The following SLC9A9 variants were observed in gnomAD, a reference collection of about 807,000 sequenced individuals.
SLC9A9 encodes the protein solute carrier family 9 member A9.
SLC9A9 carries 62 observed loss-of-function variants against 77.8 expected under a neutral mutation model. The observed-to-expected ratio is 0.80, with a 90% CI of 0.65 to 0.98. The LOEUF is 0.98. Among genes scored for constraint, SLC9A9 ranks in the 50% least tolerant of loss-of-function variants. SLC9A9 has a pLI of 0.00. For synonymous variants in SLC9A9, 320 were observed against 283.5 expected (o/e 1.13, Z -1.29); for missense variants, 775 against 774.9 (o/e 1.00, Z 0.00).
In SLC9A9 at chr3:143,832,235, A is replaced by C. The variant is rs889120030; in HGVS notation, c.176-14T>G. The C allele has an allele frequency of 6.3e-7, 1 of 1,595,464 alleles. No homozygotes were observed. Among genetic ancestry groups the C allele is most frequent in the African/African-American group, 1.3e-5 (1 of 74,644 alleles). On this transcript the variant is annotated splice_polypyrimidine_tract_variant and intron_variant, in intron 1 of 15. Transcript: ENST00000316549. ...CCATTATAAGGCCTAAAAAAAAAAG[A>C]ATAAATAATGGTACTGGAGGAAGGC...
intron 11 of SLC9A9, among the ~76,000 whole-genome samples, chr3:143,479,963 C>T (rs2035547092): frequency 6.6e-6 from 1 of 152,144 alleles, no homozygotes; most frequent in Non-Finnish European, 1.5e-5. Flanking sequence ...TGAGTATCTC[C>T]TAGGTGGTAG....
chr3:143,352,706 C>A (rs757536507), intron 14 of SLC9A9, among the ~76,000 whole-genome samples: 2 of 152,122 alleles, frequency 1.3e-5, no homozygotes, highest in Non-Finnish European at 2.9e-5. Flanking sequence ...TATATTAACT[C>A]ATTTATATTG....
intron 13 of SLC9A9, among the ~76,000 whole-genome samples, chr3:143,375,562 A>T (rs2033165217): frequency 6.6e-6 from 1 of 152,186 alleles, no homozygotes; most frequent in African/African-American, 2.4e-5. Flanking sequence ...GATGAGAATC[A>T]TGTGGTGCAC....
intron 14 of SLC9A9, among the ~76,000 whole-genome samples, chr3:143,290,579 CATAGAAA>C (rs2029908881): frequency 1.3e-5 from 2 of 152,112 alleles, no homozygotes; most frequent in Non-Finnish European, 2.9e-5. Flanking sequence ...TCACACATAG[CATAGAAA>C]AAGGATACAT....
At chr3:143,385,981 C>G (rs2033414762) in intron 12 of SLC9A9, among the ~76,000 whole-genome samples, 1 of 152,172 alleles carries the variant, frequency 6.6e-6, no homozygotes, top group African/African-American at 2.4e-5. Context: ...AAACTCCAGG[C>G]TGGTATTTTG....
intron 12 of SLC9A9, among the ~76,000 whole-genome samples, chr3:143,440,800 G>A (rs564691396): frequency 4.6e-5 from 7 of 152,330 alleles, no homozygotes; most frequent in South Asian, 2.1e-4. Flanking sequence ...AACTGAAGCC[G>A]TTTAAATATA....
chr3:143,661,556 C>T (rs1220892074), intron 5 of SLC9A9, among the ~76,000 whole-genome samples: 1 of 152,104 alleles, frequency 6.6e-6, no homozygotes, highest in Non-Finnish European at 1.5e-5. Flanking sequence ...TCCAGATTTT[C>T]TTCACTCTCC....
chr3:143,556,193 T>C (rs1017943526), intron 8 of SLC9A9, among the ~76,000 whole-genome samples: 16 of 152,258 alleles, frequency 1.1e-4, no homozygotes, highest in African/African-American at 3.9e-4. Context: ...AGCTGTTATG[T>C]GAGGTCCTAG....
chr3:143,710,810 C>T (rs1232847913), intron 4 of SLC9A9, among the ~76,000 whole-genome samples: 1 of 152,154 alleles, frequency 6.6e-6, no homozygotes, highest in Non-Finnish European at 1.5e-5. Flanking sequence ...TTTTCCATCC[C>T]TTTTCATATC....
At chr3:143,426,674 A>C (rs2034413862) in intron 12 of SLC9A9, among the ~76,000 whole-genome samples, 3 of 152,214 alleles carry the variant, frequency 2.0e-5, no homozygotes, top group African/African-American at 7.2e-5. Flanking sequence ...TTGTTTGATC[A>C]CCCAGTGCCA....
intron 5 of SLC9A9, among the ~76,000 whole-genome samples, chr3:143,666,086 T>C (rs945514751): frequency 6.6e-6 from 1 of 152,160 alleles, no homozygotes; most frequent in Non-Finnish European, 1.5e-5. Flanking sequence ...AAATCCTCAA[T>C]GAAATACTGT....
intron 2 of SLC9A9, among the ~76,000 whole-genome samples, chr3:143,819,324 T>C (rs772664377): frequency 1.3e-5 from 2 of 152,252 alleles, no homozygotes; most frequent in Non-Finnish European, 2.9e-5. Flanking sequence ...GAAACACTGT[T>C]ATTTCACTGG....
At chr3:143,309,608 G>A (rs900929543) in intron 14 of SLC9A9, among the ~76,000 whole-genome samples, 2 of 152,078 alleles carry the variant, frequency 1.3e-5, no homozygotes, top group African/African-American at 4.8e-5. Flanking sequence ...TTCTTCTCAT[G>A]TTTCTGTACT....
chr3:143,315,229 G>A (rs974635599), intron 14 of SLC9A9, among the ~76,000 whole-genome samples: 128 of 152,226 alleles, frequency 8.4e-4, no homozygotes, highest in African/African-American at 2.9e-3. Context: ...TATATCTTCT[G>A]GTCATCTAAC....
chr3:143,376,101 C>G (rs2033175575), intron 13 of SLC9A9, among the ~76,000 whole-genome samples: 1 of 152,112 alleles, frequency 6.6e-6, no homozygotes, highest in African/African-American at 2.4e-5. Flanking sequence ...GGATGACACA[C>G]TCTGCAGTAG....
chr3:143,728,287 G>T (rs889226362), intron 4 of SLC9A9, among the ~76,000 whole-genome samples: 1 of 152,142 alleles, frequency 6.6e-6, no homozygotes, highest in African/African-American at 2.4e-5. Context: ...GGAGTGAGAT[G>T]GAGGGAATGG....
chr3:143,518,851 A>C (rs759902997), intron 9 of SLC9A9, among the ~76,000 whole-genome samples: 4 of 152,182 alleles, frequency 2.6e-5, no homozygotes, highest in African/African-American at 4.8e-5. Flanking sequence ...AACTTTGACT[A>C]TTCTTGTACT....
At chr3:143,509,778 G>A (rs879832560) in intron 9 of SLC9A9, among the ~76,000 whole-genome samples, 3 of 152,082 alleles carry the variant, frequency 2.0e-5, no homozygotes, top group Non-Finnish European at 2.9e-5. Context: ...TAGTTTATCT[G>A]CAAAAAAATT....
intron 8 of SLC9A9, among the ~76,000 whole-genome samples, chr3:143,567,897 T>C (rs1159265660): frequency 6.6e-6 from 1 of 152,196 alleles, no homozygotes; most frequent in Admixed American, 6.6e-5. Context: ...TGGCATAAGA[T>C]GGTCCCAAGT....
Sources: allele counts gnomAD v4.1 joint callset (sites outside exome capture counted in the v4.1 genomes callset), GRCh38; gene constraint gnomAD v4.1.1; transcripts MANE v1.5; gene names NCBI Gene and HGNC (gene_info 2026-07-23, HGNC 2026-07-21).